ALS2CL: variants seen among roughly 807,000 people sequenced by gnomAD.
ALS2CL encodes ALS2 C-terminal like.
In ALS2CL, 112 loss-of-function variants were observed where a neutral mutation model predicts 127.9. That is an observed-to-expected ratio of 0.88 (90% CI 0.75 to 1.02). The LOEUF is 1.02. ALS2CL is among the 50% of genes least tolerant of loss of function. ALS2CL has a pLI of 0.00. For synonymous variants in ALS2CL, 519 were observed against 527.6 expected, an observed-to-expected ratio of 0.98 and a Z score of 0.22; for missense variants, 1,174 against 1,236.7, an observed-to-expected ratio of 0.95 and a Z score of 0.76.
chr3:46,671,789 T>A, intron 24 of ALS2CL, 95 bp downstream of exon 24: 4 of 1,562,476 alleles, frequency 2.6e-6, no homozygotes, highest in Non-Finnish European at 3.5e-6. Context: ...AGAAGCTGCA[T>A]CCATAAACCC....
intron 2 of ALS2CL, 61 bp from the exon 3 acceptor site, chr3:46,688,357 A>T: frequency 6.6e-6 from 10 of 1,518,586 alleles, no homozygotes; most frequent in Non-Finnish European, 9.0e-6. Flanking sequence ...CCCAGGGAAC[A>T]TGCACAGGCC....
chr3:46,676,854 G>T lies in ALS2CL; in HGVS notation c.1926C>A (p.Cys642Ter). 1 of 1,577,060 alleles carries T rather than the reference G, an allele frequency of 6.3e-7. No individual in the cohort carries two copies. Among genetic ancestry groups the T allele is most frequent in the African/African-American group, 1.4e-5 (1 of 73,112 alleles). Residue 642 changes from cysteine (C) to a stop codon, truncating the protein, a stop_gained, in exon 17 of 26, where the codon TGC (cysteine) becomes TGA (stop). Coordinates refer to ENST00000318962, the MANE Select transcript of ALS2CL (RefSeq NM_147129.5). LOFTEE classifies it high-confidence loss of function. ...ELRRSQDYLS[C>*]ERTHPEDSVG... ...GCTCACACAGCCGGCCTCACCTCTCGCAGGACAGGTAATCCTGAGACCTAC... is the reference window on the plus strand; with the variant it reads ...GCTCACACAGCCGGCCTCACCTCTCTCAGGACAGGTAATCCTGAGACCTAC...
In ALS2CL at chr3:46,686,276, C is replaced by A. The variant is rs1399637177; in HGVS notation, c.666+32G>T. The A allele has an allele frequency of 2.5e-6, 4 of 1,582,112 alleles. No individual in the cohort carries two copies. Among genetic ancestry groups the A allele is most frequent in the Non-Finnish European group, 3.4e-6 (4 of 1,164,038 alleles). ...ATCTCCATGCCCAATGTGGAACCCC[C>A]TCCCTAACTGCCCCTCAGGCCCCCA... On this transcript the variant is annotated intron_variant, in intron 6 of 25. Transcript: ENST00000318962. The surrounding 1 kb of genome is among the most constrained non-coding windows in gnomAD (Gnocchi z 4.3).
Position 46,687,606 on chromosome 3 carries a change from G to T in ALS2CL, c.368+13C>A, listed in dbSNP as rs201902307. ...CACCCTGTCAGGGGCCAGTGCACCA[G>T]CCCTGTGCTCACCTTCTCCTCTTTG... On this transcript the variant is annotated intron_variant, in intron 4 of 25. Transcript: ENST00000318962. The T allele has an allele frequency of 9.9e-6, 16 of 1,612,154 alleles. No homozygotes were observed. Among genetic ancestry groups the T allele is most frequent in the African/African-American group, 1.3e-5 (1 of 74,890 alleles).
At chr3:46,673,410 T>C in intron 21 of ALS2CL, 29 bp from the exon 22 acceptor site, 5 of 1,554,256 alleles carry the variant, frequency 3.2e-6, no homozygotes, top group Non-Finnish European at 4.4e-6. Context: ...GACAGGAGGC[T>C]CTGCCTCGAC....
rs373448357 is a variant in ALS2CL, at chr3:46,676,667, T to C, written c.2003A>G (p.Lys668Arg). Residue 668 changes from lysine (K) to arginine (R), a missense_variant, in exon 18 of 26, where the codon AAG becomes AGG. By Grantham distance (26) the Lys-to-Arg change is conservative. Transcript: ENST00000318962. ...LEELLQHREP[K>R]ALQLYLRKAL... ...CTTCCTGAGGTACAGCTGCAGGGCC[T>C]TGGGCTCCCGGTGCTGCAGCAGCTC... 43 of 1,613,302 alleles carry C rather than the reference T, an allele frequency of 2.7e-5. No individual in the cohort carries two copies. Among genetic ancestry groups the C allele is most frequent in the Admixed American group, 3.3e-5 (2 of 59,940 alleles).
intron 25 of ALS2CL, 134 bp downstream of exon 25, chr3:46,671,354 C>A (rs1336361040): frequency 2.1e-6 from 3 of 1,420,330 alleles, no homozygotes; most frequent in African/African-American, 1.4e-5. Context: ...ACTGTGAGGA[C>A]CCTTCCCAGA....
chr3:46,676,947 A>T lies in ALS2CL; in HGVS notation c.1833T>A (p.Cys611Ter), dbSNP rs748545894. 6.2e-7 allele frequency: 1 copy of T among 1,613,664 alleles called. No individual in the cohort carries two copies. ...CCTGCAGGTCCCTGGGGCAGCCAGC[A>T]CACACAAAGTCCCGGAAGGGGCTGT... ...GVYSPFRDFVCAGCPRDLQEA... is the reference protein window; with the variant it reads ...GVYSPFRDFV Residue 611 changes from cysteine to a stop codon, truncating the protein, a stop_gained, in exon 17 of 26, where the codon TGT (cysteine) becomes TGA (stop). Transcript: ENST00000318962. LOFTEE classifies it high-confidence loss of function.
At chr3:46,671,660 G>T in intron 24 of ALS2CL, 76 bp from the exon 25 acceptor site, 1 of 1,607,942 alleles carries the variant, frequency 6.2e-7, no homozygotes, top group Non-Finnish European at 8.5e-7. Context: ...AGCTGGGGAA[G>T]GAGCGCTGGC....
At chr3:46,671,639 C>T (rs1022300001) in intron 24 of ALS2CL, 55 bp from the exon 25 acceptor site, 13 of 1,611,670 alleles carry the variant, frequency 8.1e-6, no homozygotes, top group African/African-American at 6.7e-5. Context: ...AGAGGCCTGT[C>T]GCGGACAGGC....
Position 46,681,717 on chromosome 3 carries a change from C to A in ALS2CL, c.1176-119G>T. 1.0e-6 allele frequency: 1 copy of A among 987,792 alleles called. No homozygotes were observed. The highest frequency in any genetic ancestry group is 1.5e-6 in the Non-Finnish European group (1 of 657,528). The allele number at this position is 987,792 out of a possible 1,614,324, so 61.2% of individuals were successfully genotyped here. ...GAGCCTTCCAGACAACAGGGAGACT[C>A]TCAGAGGCCCTCAGCCTTCCTATCC... On this transcript the variant is annotated intron_variant, in intron 11 of 25. Coordinates refer to ENST00000318962, the MANE Select transcript of ALS2CL (RefSeq NM_147129.5). This position sits in a 1 kb window ranked among gnomAD's most constrained non-coding sequence, Gnocchi z 4.9.
chr3:46,675,519 C>A (rs1575413342), intron 20 of ALS2CL, 99 bp downstream of exon 20: 7 of 1,165,128 alleles, frequency 6.0e-6, no homozygotes, highest in Non-Finnish European at 8.8e-6. Context: ...ATGCCCAGCA[C>A]TTCCCCAGAA....
In ALS2CL at chr3:46,688,258, G is replaced by A. The variant is rs143519761; in HGVS notation, c.142C>T (p.Arg48Trp). 1.2e-4 allele frequency: 191 copies of A among 1,612,906 alleles called. 1 individual carries two copies. Among genetic ancestry groups the A allele is most frequent in the East Asian group, 3.3e-4 (15 of 44,864 alleles). ...CTCTTGTGCAGCTGTTGCAAGAGCC[G>A]CAGGCACTCTCTGCCCCAGGGATCC... ...PSDPWGRECL[R>W]LLQQLHKSSQ... The change falls in exon 3 of 26, where the codon CGG (arginine) becomes TGG (tryptophan). Residue 48 changes from arginine (R) to tryptophan (W), a missense_variant. By Grantham distance (101) the Arg-to-Trp change is moderately radical. Transcript: ENST00000318962.
At chr3:46,685,152 C>T (rs1168248491) in intron 7 of ALS2CL, among the ~76,000 whole-genome samples, 1 of 152,230 alleles carries the variant, frequency 6.6e-6, no homozygotes, top group African/African-American at 2.4e-5. Context: ...CCATGACTTT[C>T]TGTCTGGGGT....
chr3:46,693,052 G>A (rs1232750375), intron 1 of ALS2CL, among the ~76,000 whole-genome samples: 2 of 152,146 alleles, frequency 1.3e-5, no homozygotes, highest in African/African-American at 2.4e-5. Context: ...CCCCAGGGAG[G>A]GGGCGCTGAA....
Position 46,670,605 on chromosome 3 carries a change from G to C in ALS2CL, c.*379C>G. 4.9e-6 allele frequency: 1 copy of C among 203,594 alleles called. No homozygotes were observed. Among genetic ancestry groups the C allele is most frequent in the East Asian group, 1.1e-4 (1 of 8,972 alleles). 12.6% of individuals were successfully genotyped at this position (203,594 alleles called of 1,614,324 possible). ...ACTCTGGAATTCAGCAAAATGAATG[G>C]AAGGTCCTTTACAGCGTACTCACTC... is the stretch of plus-strand genomic sequence containing the variant. On this transcript the variant is annotated 3_prime_UTR_variant, in exon 26 of 26. Coordinates refer to ENST00000318962, the MANE Select transcript of ALS2CL (RefSeq NM_147129.5). The surrounding 1 kb of genome is among the most constrained non-coding windows in gnomAD (Gnocchi z 5.5).
chr3:46,689,669 T>C (rs564412795), intron 1 of ALS2CL, among the ~76,000 whole-genome samples: 1 of 152,282 alleles, frequency 6.6e-6, no homozygotes, highest in Non-Finnish European at 1.5e-5. Context: ...GAGGGGTCCC[T>C]GAAGGAGAGA....
Position 46,681,214 on chromosome 3 carries a change from C to T in ALS2CL, c.1436+32G>A, listed in dbSNP as rs777646050. 7.0e-5 allele frequency: 113 copies of T among 1,613,522 alleles called. No homozygotes were observed. Among genetic ancestry groups the T allele is most frequent in the Middle Eastern group, 4.9e-4 (3 of 6,080 alleles). On this transcript the variant is annotated intron_variant, in intron 13 of 25. Coordinates refer to ENST00000318962, the MANE Select transcript of ALS2CL (RefSeq NM_147129.5). This position sits in a 1 kb window ranked among gnomAD's most constrained non-coding sequence, Gnocchi z 4.9. ...TCTGTGAGGGCCCGGTCCACCCCTC[C>T]GTCCTGGGAGTGGTGGCTGCAGGGC...
rs145264687 is a variant in ALS2CL at position 46,673,277 on chromosome 3, G to T, written c.2472+62C>A. On this transcript the variant is annotated intron_variant, in intron 22 of 25. Coordinates refer to ENST00000318962, the MANE Select transcript of ALS2CL (RefSeq NM_147129.5). ...CCGCCCAGCAATCATGAGGCAAAGG[G>T]CTCCTCAAAGCCTGCAGGACCTCTG... The T allele has an allele frequency of 6.2e-5, 92 of 1,485,794 alleles. 1 individual carries two copies. In the East Asian group the frequency reaches 2.2e-3, roughly 35 times the overall value. 92.0% of individuals were successfully genotyped at this position (1,485,794 alleles called of 1,614,324 possible).
Sources: gnomAD v4.1 joint callset for allele counts (sites outside exome capture counted in the v4.1 genomes callset) on GRCh38, gnomAD v4.1.1 for gene constraint, Gnocchi (gnomAD v3.1) non-coding constraint, MANE v1.5 for transcripts, NCBI Gene and HGNC (gene_info 2026-07-23, HGNC 2026-07-21) for gene names.